Variants in RIC1 observed in about 807,000 individuals in gnomAD.
RIC1 encodes guanine nucleotide exchange factor subunit RIC1.
Under a neutral mutation model 169.0 loss-of-function variants are expected in RIC1, and 88 were observed. That is an observed-to-expected ratio of 0.52 (90% confidence interval 0.44 to 0.62). The LOEUF (loss-of-function observed/expected upper bound fraction) is 0.62. RIC1 is among the 20% of genes least tolerant of loss of function. The probability of loss-of-function intolerance (pLI) is 0.00; values close to 1 mark genes in which losing one functional copy is unlikely to be tolerated. For missense variants in RIC1, 1,877 were observed against 1,725.5 expected (o/e 1.09, Z -1.56); for synonymous variants, 790 against 601.5 (o/e 1.31, Z -4.59).
At position 5,775,072 on chromosome 9, in the gene RIC1, A is replaced by G. The variant is rs1474737317; in HGVS notation, c.*826A>G. 1 of 152,194 alleles carries G rather than the reference A, an allele frequency of 6.6e-6. No homozygotes were observed. Among genetic ancestry groups the G allele is most frequent in the African/African-American group, 2.4e-5 (1 of 41,444 alleles). 9.4% of individuals were successfully genotyped at this position (152,194 alleles called of 1,614,324 possible). A position where few individuals can be genotyped will look rare whatever the true frequency, so the allele number is the denominator to read the frequency against. ...TGGATTCTGCATGTCTACACATACAAAGACAGGGCTTGCTCCTCTGCAAAA... is the reference window on the plus strand; with the variant it reads ...TGGATTCTGCATGTCTACACATACAGAGACAGGGCTTGCTCCTCTGCAAAA... On this transcript the variant is annotated 3_prime_UTR_variant, in exon 26 of 26. Coordinates refer to ENST00000414202, the MANE Select transcript of RIC1 (RefSeq NM_020829.4).
At chr9:5,647,165 G>C (rs1363712482) in intron 1 of RIC1, among the ~76,000 whole-genome samples, 2 of 152,174 alleles carry the variant, frequency 1.3e-5, no homozygotes, top group African/African-American at 4.8e-5. Context: ...TTATTCTGTT[G>C]GTCTATATGT....
chr9:5,729,364 G>C (rs771825713), intron 6 of RIC1, among the ~76,000 whole-genome samples: 2 of 152,080 alleles, frequency 1.3e-5, no homozygotes, highest in Non-Finnish European at 2.9e-5. Flanking sequence ...AGTAGGTTTT[G>C]AACCACTTCT....
intron 8 of RIC1, among the ~76,000 whole-genome samples, chr9:5,741,710 T>C (rs1310600376): frequency 6.6e-6 from 1 of 152,212 alleles, no homozygotes; most frequent in Middle Eastern, 3.2e-3. Flanking sequence ...TCATTGGCTA[T>C]AAAAAGCAGT....
intron 3 of RIC1, among the ~76,000 whole-genome samples, chr9:5,701,064 T>C (rs754333873): frequency 2.1e-4 from 32 of 152,216 alleles, no homozygotes; most frequent in Non-Finnish European, 4.1e-4. Flanking sequence ...ATCAAAACTA[T>C]CACTATGACT....
At chr9:5,773,431 G>GATC (rs1455303841) in intron 25 of RIC1, among the ~76,000 whole-genome samples, 1 of 152,116 alleles carries the variant, frequency 6.6e-6, no homozygotes, top group Non-Finnish European at 1.5e-5. Context: ...ATATCTACTT[G>GATC]AAAAGATTCA....
rs188572842 is a variant in RIC1, at chr9:5,652,049, G to T, written c.145-4534G>T. On this transcript the variant is annotated intron_variant, in intron 1 of 25. Transcript: ENST00000414202. ...TGTAAAAGCATGGATTTATTTCTGG[G>T]CTATTTTGTTCCATTGTTTTATTTG... Among the ~76,000 whole-genome samples, 511 of 152,192 alleles carry T rather than the reference G, an allele frequency of 3.4e-3. 15 individuals carry two copies. The highest frequency in any genetic ancestry group is 3.4e-3 in the Middle Eastern group (1 of 294).
chr9:5,740,424 TAGTA>T (rs1237145073), intron 8 of RIC1, among the ~76,000 whole-genome samples: 1 of 151,990 alleles, frequency 6.6e-6, no homozygotes, highest in Non-Finnish European at 1.5e-5. Flanking sequence ...ATATCTGTAT[TAGTA>T]AGGTTCTCTA....
chr9:5,645,186 T>G (rs1260000961), intron 1 of RIC1, among the ~76,000 whole-genome samples: 1 of 152,130 alleles, frequency 6.6e-6, no homozygotes, highest in Non-Finnish European at 1.5e-5. Flanking sequence ...CCCTAGTAGC[T>G]GGGACTACAG....
At chr9:5,725,014 T>C (rs1321229579) in intron 6 of RIC1, among the ~76,000 whole-genome samples, 2 of 152,320 alleles carry the variant, frequency 1.3e-5, no homozygotes, top group African/African-American at 2.4e-5. Context: ...TGGTCTAATA[T>C]TCTCTTTTTT....
intron 14 of RIC1, among the ~76,000 whole-genome samples, chr9:5,754,304 G>C (rs532651970): frequency 2.0e-5 from 3 of 152,096 alleles, no homozygotes; most frequent in African/African-American, 7.2e-5. Context: ...ATGCTATATA[G>C]CACCCAGTTA....
intron 2 of RIC1, among the ~76,000 whole-genome samples, chr9:5,677,811 GAACA>G (rs1316335975): frequency 1.3e-5 from 2 of 151,510 alleles, no homozygotes; most frequent in African/African-American, 4.9e-5. Context: ...AACTTCCACT[GAACA>G]AACATTTTTC....
In RIC1 at chr9:5,762,536, T is replaced by A. The variant is rs368948582; in HGVS notation, c.1993-5T>A. On this transcript the variant is annotated splice_region_variant and splice_polypyrimidine_tract_variant and intron_variant, in intron 17 of 25. Coordinates refer to ENST00000414202, the MANE Select transcript of RIC1 (RefSeq NM_020829.4). ...TGAATTTAGCTGCTTTTTCTTAAAT[T>A]TCAGGCTCGTGGTGCAGAGAGCATT... is the stretch of plus-strand genomic sequence containing the variant. 41 of 1,612,380 alleles carry A rather than the reference T, an allele frequency of 2.5e-5. No homozygotes were observed. The African/African-American group carries it at 5.3e-4, about 21-fold the overall frequency.
chr9:5,728,701 C>T (rs1326949087), intron 6 of RIC1, among the ~76,000 whole-genome samples: 1 of 152,182 alleles, frequency 6.6e-6, no homozygotes, highest in African/African-American at 2.4e-5. Context: ...AGAAATTTCT[C>T]TGGGAGCCTT....
chr9:5,737,262 G>C (rs1824773436), intron 7 of RIC1, among the ~76,000 whole-genome samples: 1 of 146,680 alleles, frequency 6.8e-6, no homozygotes, highest in Non-Finnish European at 1.6e-5. Context: ...TTTACTTCTG[G>C]CTTCAGGCCC....
chr9:5,668,576 T>C (rs1355751955), intron 2 of RIC1, among the ~76,000 whole-genome samples: 1 of 152,198 alleles, frequency 6.6e-6, no homozygotes, highest in Non-Finnish European at 1.5e-5. Context: ...TATTTTTCTT[T>C]ATTCTTCTTT....
rs937297349 is a variant in RIC1 at position 5,682,088 on chromosome 9, C to G, written c.253-7871C>G. Among the ~76,000 whole-genome samples the G allele has an allele frequency of 2.4e-4, 37 of 152,340 alleles. 1 individual carries two copies. The highest frequency in any genetic ancestry group is 8.7e-4 in the African/African-American group (36 of 41,562). ...AGATGAGTTTCCTGAATACAGCACA[C>G]TGATGGGTCTTGAGTCTTTATCCAA... On this transcript the variant is annotated intron_variant, in intron 2 of 25. Coordinates refer to ENST00000414202, the MANE Select transcript of RIC1 (RefSeq NM_020829.4).
At position 5,629,340 on chromosome 9, in the gene RIC1, C is replaced by G. The variant is rs1417119928; in HGVS notation, c.31C>G (p.Leu11Val). The G allele has an allele frequency of 6.5e-7, 1 of 1,531,660 alleles. No homozygotes were observed. The highest frequency in any genetic ancestry group is 1.7e-4 in the Middle Eastern group (1 of 5,960). The allele number at this position is 1,531,660 out of a possible 1,614,324, so 94.9% of individuals were successfully genotyped here. The part of the protein sequence containing the change: MYFLSGWPKR[L>V]LCPLGSPAEA... ...TTTTCTGAGCGGCTGGCCCAAGAGG[C>G]TGCTGTGCCCTCTGGGGAGCCCGGC... is the stretch of plus-strand genomic sequence containing the variant. The change falls in exon 1 of 26, where the codon CTG (leucine) becomes GTG (valine). Residue 11 changes from leucine (L) to valine (V), a missense_variant. Around this residue, in one of 3 missense-constraint regions of RIC1, gnomAD observed 1,104 missense variants for 992.0 expected, o/e 1.11. Transcript: ENST00000414202.
intron 6 of RIC1, among the ~76,000 whole-genome samples, chr9:5,721,591 C>G (rs1418456955): frequency 2.0e-5 from 3 of 152,224 alleles, no homozygotes; most frequent in South Asian, 2.1e-4. Context: ...ATTTATCCCT[C>G]TGGATCACCA....
intron 2 of RIC1, among the ~76,000 whole-genome samples, chr9:5,681,902 C>A (rs7041581): frequency 4.6e-5 from 7 of 151,994 alleles, no homozygotes; most frequent in Admixed American, 4.6e-4. Context: ...GATCCCTTTA[C>A]CATTATGTAA....
Sources: allele counts gnomAD v4.1 joint callset (sites outside exome capture counted in the v4.1 genomes callset), GRCh38; gene constraint gnomAD v4.1.1; regional missense constraint gnomAD v4.1.1; transcripts MANE v1.5; gene names NCBI Gene and HGNC (gene_info 2026-07-23, HGNC 2026-07-21).